Variants in NOC3L observed in about 807,000 individuals in gnomAD.
NOC3L encodes NOC3 like DNA replication regulator.
A neutral mutation model predicts 102.5 loss-of-function variants in NOC3L; 85 were observed. The ratio of observed to expected loss-of-function variants is 0.83; its 90% CI spans 0.70 to 0.99. The LOEUF (loss-of-function observed/expected upper bound fraction) is 0.99. Ranked by LOEUF, NOC3L falls within the 50% of genes least tolerant of loss-of-function variation. NOC3L has a pLI of 0.00. For synonymous variants in NOC3L, 303 were observed against 309.4 expected, an observed-to-expected ratio of 0.98 and a Z score of 0.22; for missense variants, 878 against 914.9, an observed-to-expected ratio of 0.96 and a Z score of 0.52.
chr10:94,334,951 A>G (rs1391866575), intron 19 of NOC3L, among the ~76,000 whole-genome samples: 1 of 152,230 alleles, frequency 6.6e-6, no homozygotes, highest in Non-Finnish European at 1.5e-5. Flanking sequence ...ATACAGGCAT[A>G]GACTCCAGAG....
the NOC3L span, among the ~76,000 whole-genome samples, chr10:94,315,766 T>C: frequency 1.9e-5 from 1 of 53,202 alleles, no homozygotes; most frequent in Non-Finnish European, 3.4e-5. Context: ...GGAGACTCTG[T>C]CTCAAAAAAA....
chr10:94,320,503 A>G, the NOC3L span, among the ~76,000 whole-genome samples: 2 of 152,184 alleles, frequency 1.3e-5, no homozygotes, highest in Non-Finnish European at 2.9e-5. Context: ...ACTTTAATCA[A>G]TGGGTACAAT....
Position 94,349,318 on chromosome 10 carries a change from C to T in NOC3L, c.1189G>A (p.Ala397Thr). 1.9e-6 allele frequency: 3 copies of T among 1,580,474 alleles called. No individual in the cohort carries two copies. Among genetic ancestry groups the T allele is most frequent in the Non-Finnish European group, 2.6e-6 (3 of 1,169,252 alleles). The change falls in exon 10 of 21, where the codon GCT becomes ACT. Residue 397 changes from alanine to threonine, a missense_variant. Ala to Thr is a moderately conservative substitution (Grantham distance 58, BLOSUM62 0). Transcript: ENST00000371361. Reference protein sequence around the residue: ...KLFKQDKLGQASLGVIKVISG... With the variant: ...KLFKQDKLGQTSLGVIKVISG... ...ATCACTTTAATTACACCAAGAGAAG[C>T]TTGGCCTAATTTATCTTGCTTAAAG...
At chr10:94,343,767 A>T (rs941341306) in intron 13 of NOC3L, among the ~76,000 whole-genome samples, 1 of 152,240 alleles carries the variant, frequency 6.6e-6, no homozygotes, top group Non-Finnish European at 1.5e-5. Flanking sequence ...GTGTTAAAAT[A>T]CTTCAGATAA....
intron 14 of NOC3L, 85 bp from the exon 15 acceptor site, chr10:94,340,581 G>C: frequency 8.5e-7 from 1 of 1,172,838 alleles, no homozygotes; most frequent in Non-Finnish European, 1.2e-6. Flanking sequence ...GAACTTTAAG[G>C]CCAGGAGCAA....
In NOC3L at chr10:94,346,408, G is replaced by T; in HGVS notation, c.1389+17C>A. On this transcript the variant is annotated intron_variant, in intron 11 of 20. Coordinates refer to ENST00000371361, the MANE Select transcript of NOC3L (RefSeq NM_022451.11). ...AACAGAAAATTTAAATGAAACAAAA[G>T]GGGAAATAAGTCAAACCTTTCTCTG... 6.9e-7 allele frequency: 1 copy of T among 1,454,438 alleles called. No homozygotes were observed. The highest frequency in any genetic ancestry group is 1.5e-5 in the African/African-American group (1 of 67,906). The allele number at this position is 1,454,438 out of a possible 1,614,324, so 90.1% of individuals were successfully genotyped here.
Position 94,353,330 on chromosome 10 carries a change from T to C in NOC3L, c.697-273A>G, listed in dbSNP as rs148269300. 4.1e-3 allele frequency among the ~76,000 whole-genome samples: 632 copies of C among 152,334 alleles called. 7 individuals are homozygous for C. Among genetic ancestry groups the C allele is most frequent in the African/African-American group, 0.014 (592 of 41,566 alleles). On this transcript the variant is annotated intron_variant, in intron 6 of 20. Coordinates refer to ENST00000371361, the MANE Select transcript of NOC3L (RefSeq NM_022451.11). The stretch of plus-strand genomic sequence containing the variant: ...AAAGAGGTTTATTTTGGCTTATAGT[T>C]CTGCAGGCTGTAGAGGAAGCTCGGT...
chr10:94,362,323 CA>C (rs1215738137), intron 1 of NOC3L, among the ~76,000 whole-genome samples: 1 of 152,178 alleles, frequency 6.6e-6, no homozygotes, highest in Non-Finnish European at 1.5e-5. Flanking sequence ...ATGAAGCTGC[CA>C]AAAGACCCAT....
chr10:94,337,965 C>T, intron 18 of NOC3L, 91 bp from the exon 19 acceptor site: 2 of 966,190 alleles, frequency 2.1e-6, no homozygotes, highest in Non-Finnish European at 3.2e-6. Context: ...AATAAAATTA[C>T]ACCAAATTTT....
chr10:94,352,469 AAATATGTGTGTCTAGTATAC>A, intron 7 of NOC3L, 66 bp from the exon 8 acceptor site: 2 of 1,068,410 alleles, frequency 1.9e-6, no homozygotes, highest in Non-Finnish European at 1.4e-6. Flanking sequence ...AATTAGTATA[AAATATGTGTGTCTAGTATAC>A]ACCCAGTACT....
chr10:94,352,834 T>C (rs2054437179), intron 7 of NOC3L, 62 bp downstream of exon 7: 2 of 1,452,682 alleles, frequency 1.4e-6, no homozygotes, highest in Admixed American at 2.0e-5. Context: ...AAAAAAAAAG[T>C]CTATCTCTCC....
chr10:94,359,757 T>C (rs886228499), intron 2 of NOC3L, among the ~76,000 whole-genome samples: 4 of 152,158 alleles, frequency 2.6e-5, no homozygotes, highest in East Asian at 3.9e-4. Context: ...GGCAAGGATG[T>C]AGAGAAAAGG....
intron 2 of NOC3L, among the ~76,000 whole-genome samples, chr10:94,360,049 G>A (rs905973799): frequency 1.3e-5 from 2 of 152,162 alleles, no homozygotes; most frequent in African/African-American, 4.8e-5. Context: ...CAGGCGCGGT[G>A]GCTCACGCCT....
chr10:94,346,329 A>C, intron 11 of NOC3L, 96 bp downstream of exon 11: 1 of 934,490 alleles, frequency 1.1e-6, no homozygotes, highest in Non-Finnish European at 1.5e-6. Context: ...TTTTATGTTT[A>C]TGATTTAACT....
intron 6 of NOC3L, 108 bp from the exon 7 acceptor site, chr10:94,353,165 C>A: frequency 2.3e-6 from 2 of 854,910 alleles, no homozygotes; most frequent in Non-Finnish European, 3.6e-6. Context: ...CACAATGACT[C>A]CAAGTCTAGT....
chr10:94,322,700 G>T, the NOC3L span, among the ~76,000 whole-genome samples: 9 of 152,082 alleles, frequency 5.9e-5, no homozygotes, highest in Non-Finnish European at 8.8e-5. Flanking sequence ...CAGGAGAATC[G>T]CTTGAACCCG....
Position 94,334,131 on chromosome 10 carries a change from C to A in NOC3L, c.*46G>T, listed in dbSNP as rs780356661. ...GTTAACAACTCATCTTTATGTACATCTGCACACACAAATATACAAGAAAGT... is the reference window on the plus strand; with the variant it reads ...GTTAACAACTCATCTTTATGTACATATGCACACACAAATATACAAGAAAGT... On this transcript the variant is annotated 3_prime_UTR_variant, in exon 21 of 21. Coordinates refer to ENST00000371361, the MANE Select transcript of NOC3L (RefSeq NM_022451.11). The A allele has an allele frequency of 1.2e-6, 1 of 851,278 alleles. No individual in the cohort carries two copies. Among genetic ancestry groups the A allele is most frequent in the Non-Finnish European group, 2.0e-6 (1 of 509,104 alleles). The allele number at this position is 851,278 out of a possible 1,614,324, so 52.7% of individuals were successfully genotyped here. A position where few individuals can be genotyped will look rare whatever the true frequency, so the allele number is the denominator to read the frequency against.
chr10:94,342,999 G>A (rs1564911471), intron 13 of NOC3L, among the ~76,000 whole-genome samples: 1 of 151,700 alleles, frequency 6.6e-6, no homozygotes, highest in Non-Finnish European at 1.5e-5. Context: ...GCAGGTGACT[G>A]CTTGAACCTG....
At chr10:94,352,727 C>T (rs1280317846) in intron 7 of NOC3L, among the ~76,000 whole-genome samples, 169 bp downstream of exon 7, 3 of 151,990 alleles carry the variant, frequency 2.0e-5, no homozygotes, top group African/African-American at 7.3e-5. Context: ...GGGGCTGAGG[C>T]AGGAGAATCA....
Sources: allele counts gnomAD v4.1 joint callset (sites outside exome capture counted in the v4.1 genomes callset), GRCh38; gene constraint gnomAD v4.1.1; transcripts MANE v1.5; gene names NCBI Gene and HGNC (gene_info 2026-07-23, HGNC 2026-07-21).